The following TYR variants were observed in gnomAD, a reference collection of about 807,000 sequenced individuals.
TYR encodes LB24-AB.
TYR carries 58 observed loss-of-function variants against 51.5 expected under a neutral mutation model. That is an observed-to-expected ratio of 1.13 (90% CI 0.91 to 1.40). The LOEUF is 1.40. Ranked by LOEUF, TYR falls within the 40% of genes most tolerant of loss-of-function variation. TYR has a pLI of 0.00. For missense variants in TYR, 732 were observed against 647.4 expected (o/e 1.13, Z -1.42); for synonymous variants, 263 against 235.2 (o/e 1.12, Z -1.08).
At chr11:89,182,295 A>G (rs1026195416) in intron 1 of TYR, among the ~76,000 whole-genome samples, 2 of 152,222 alleles carry the variant, frequency 1.3e-5, no homozygotes, top group Admixed American at 1.3e-4. Flanking sequence ...CTCCAATGCT[A>G]ACATACATAA....
intron 4 of TYR, among the ~76,000 whole-genome samples, chr11:89,288,032 C>CA (rs1272269574): frequency 6.6e-6 from 1 of 151,810 alleles, no homozygotes; most frequent in Non-Finnish European, 1.5e-5. Flanking sequence ...CATATAATAA[C>CA]AAGAGGAGCA....
intron 2 of TYR, among the ~76,000 whole-genome samples, chr11:89,207,165 G>T (rs1943683043): frequency 6.6e-6 from 1 of 151,914 alleles, no homozygotes; most frequent in Admixed American, 6.6e-5. Flanking sequence ...AATCAATACA[G>T]GATATGAATA....
At chr11:89,277,307 A>G (rs896445061) in intron 3 of TYR, among the ~76,000 whole-genome samples, 3 of 151,818 alleles carry the variant, frequency 2.0e-5, no homozygotes, top group African/African-American at 7.2e-5. Flanking sequence ...GCAATTCAAT[A>G]AATTTTGAGT....
intron 2 of TYR, among the ~76,000 whole-genome samples, chr11:89,217,221 A>T (rs945604987): frequency 1.3e-5 from 2 of 152,208 alleles, no homozygotes; most frequent in Non-Finnish European, 2.9e-5. Flanking sequence ...AAATGCGAAC[A>T]TTTATTATCT....
intron 3 of TYR, chr11:89,284,045 C>T (rs1944751467): frequency 6.6e-6 from 1 of 151,984 alleles, no homozygotes; most frequent in Admixed American, 6.6e-5. Context: ...TTTGCTGGTA[C>T]ATCTGGCTTT....
intron 3 of TYR, among the ~76,000 whole-genome samples, chr11:89,269,791 G>C (rs766024977): frequency 4.0e-5 from 6 of 151,888 alleles, no homozygotes; most frequent in African/African-American, 7.2e-5. Flanking sequence ...TTCTCTTAAA[G>C]GGGCTGTTTT....
At chr11:89,223,831 C>T in intron 2 of TYR, among the ~76,000 whole-genome samples, 1 of 151,588 alleles carries the variant, frequency 6.6e-6, no homozygotes, top group East Asian at 1.9e-4. Flanking sequence ...AATCTTGGTT[C>T]AACCTGGGCC....
intron 1 of TYR, among the ~76,000 whole-genome samples, chr11:89,187,638 TC>T: frequency 6.6e-6 from 1 of 152,018 alleles, no homozygotes; most frequent in African/African-American, 2.4e-5. Flanking sequence ...AAATATTAAC[TC>T]CCCCCGTTTT....
At chr11:89,259,977 T>A (rs924798548) in intron 3 of TYR, among the ~76,000 whole-genome samples, 2 of 152,114 alleles carry the variant, frequency 1.3e-5, no homozygotes, top group African/African-American at 4.8e-5. Flanking sequence ...GCCCTGCCAT[T>A]TACTATTCAT....
rs189712074 is a variant in TYR, at chr11:89,277,845, A to G, written c.1185-6928A>G. On this transcript the variant is annotated intron_variant, in intron 3 of 4. Coordinates refer to ENST00000263321, the MANE Select transcript of TYR (RefSeq NM_000372.5). ...CCCCCTGATGCGTGCATATCCACCA[A>G]CTCCTACTCTTCCTCAGTCCCTTCT... Among the ~76,000 whole-genome samples, 10 of 151,152 alleles carry G rather than the reference A, an allele frequency of 6.6e-5. No homozygotes were observed. The East Asian group carries it at 1.8e-3, about 27-fold the overall frequency.
intron 2 of TYR, among the ~76,000 whole-genome samples, chr11:89,199,076 A>T (rs1048431894): frequency 6.6e-6 from 1 of 152,060 alleles, no homozygotes; most frequent in Non-Finnish European, 1.5e-5. Flanking sequence ...CATGTCCCTA[A>T]AAAGGACATG....
chr11:89,263,604 A>G (rs1011143606), intron 3 of TYR, among the ~76,000 whole-genome samples: 2 of 152,094 alleles, frequency 1.3e-5, no homozygotes, highest in African/African-American at 4.8e-5. Flanking sequence ...CTTAAATCAT[A>G]AAGAAGCTAC....
At chr11:89,183,564 T>C (rs1330252086) in intron 1 of TYR, among the ~76,000 whole-genome samples, 1 of 152,094 alleles carries the variant, frequency 6.6e-6, no homozygotes, top group Non-Finnish European at 1.5e-5. Flanking sequence ...GAGTGAACTT[T>C]CATACTTACT....
intron 2 of TYR, among the ~76,000 whole-genome samples, chr11:89,194,681 T>A (rs938903690): frequency 2.0e-5 from 3 of 150,078 alleles, no homozygotes; most frequent in East Asian, 2.0e-4. Flanking sequence ...TCTATCTATC[T>A]ATCATCTATC....
chr11:89,181,693 A>G (rs1239216270), intron 1 of TYR, among the ~76,000 whole-genome samples: 1 of 151,820 alleles, frequency 6.6e-6, no homozygotes, highest in Non-Finnish European at 1.5e-5. Context: ...GAGATCTTCA[A>G]TTTTATTTAG....
chr11:89,191,705 A>T (rs2135253647), intron 2 of TYR, among the ~76,000 whole-genome samples: 1 of 152,190 alleles, frequency 6.6e-6, no homozygotes, highest in Non-Finnish European at 1.5e-5. Context: ...GGCTGCAGTG[A>T]GCTATGATTG....
chr11:89,231,813 A>G (rs1944054441), intron 3 of TYR, among the ~76,000 whole-genome samples: 2 of 140,914 alleles, frequency 1.4e-5, no homozygotes, highest in South Asian at 4.7e-4. Flanking sequence ...GTAAAACCCC[A>G]TTTCTACTAA....
chr11:89,260,937 C>T (rs535848666), intron 3 of TYR, among the ~76,000 whole-genome samples: 10 of 152,088 alleles, frequency 6.6e-5, no homozygotes, highest in South Asian at 2.1e-4. Flanking sequence ...GTCAGCTAAG[C>T]GGCAGGTGAA....
chr11:89,283,085 C>T (rs1218110389), intron 3 of TYR, among the ~76,000 whole-genome samples: 1 of 151,798 alleles, frequency 6.6e-6, no homozygotes, highest in African/African-American at 2.4e-5. Context: ...CAGATTTTTA[C>T]ACAGTTCTTT....
Sources: allele counts gnomAD v4.1 joint callset (sites outside exome capture counted in the v4.1 genomes callset), GRCh38; gene constraint gnomAD v4.1.1; transcripts MANE v1.5; gene names NCBI Gene and HGNC (gene_info 2026-07-23, HGNC 2026-07-21).